TMEM41B: variants seen among roughly 807,000 people sequenced by gnomAD.
TMEM41B encodes transmembrane protein 41B, also known as protein stasimon.
TMEM41B carries 18 observed loss-of-function variants against 31.9 expected under a neutral mutation model. That is an observed-to-expected ratio of 0.56 (90% CI 0.39 to 0.84). TMEM41B has a LOEUF of 0.84. TMEM41B is among the 40% of genes least tolerant of loss of function. The pLI, the probability that TMEM41B is intolerant of heterozygous loss-of-function variation, is 0.00. For missense variants in TMEM41B, 322 were observed against 348.0 expected (o/e 0.93, Z 0.59); for synonymous variants, 144 against 124.3 (o/e 1.16, Z -1.05).
intron 1 of TMEM41B, among the ~76,000 whole-genome samples, chr11:9,307,881 G>A (rs1478114738): frequency 6.6e-6 from 1 of 152,062 alleles, no homozygotes; most frequent in African/African-American, 2.4e-5. Flanking sequence ...AAGTAGCTGG[G>A]ACTACAGGCA....
At position 9,299,683 on chromosome 11, in the gene TMEM41B, G is replaced by C. The variant is rs749330991; in HGVS notation, c.140C>G (p.Ala47Gly). The change falls in exon 2 of 7, where the codon GCT becomes GGT. Residue 47 changes from alanine to glycine, a missense_variant. Ala to Gly is a moderately conservative substitution (Grantham distance 60). Around this residue, in one of 3 missense-constraint regions of TMEM41B, gnomAD observed 183 missense variants for 175.3 expected, o/e 1.04. Transcript: ENST00000528080. ...AAGGAGTGACATTCTTGCTGATCCA[G>C]CTTCTACCCAGGATTTTTCTGGAAG... is the stretch of plus-strand genomic sequence containing the variant. ...DHQKEKSWVE[A>G]GSARMSLLIL... 1 of 1,608,818 alleles carries C rather than the reference G, an allele frequency of 6.2e-7. No homozygotes were observed. The highest frequency in any genetic ancestry group is 1.1e-5 in the South Asian group (1 of 89,674).
chr11:9,306,158 T>C (rs796352458), intron 1 of TMEM41B, among the ~76,000 whole-genome samples: 139 of 151,776 alleles, frequency 9.2e-4, no homozygotes, highest in African/African-American at 3.3e-3. Flanking sequence ...TTTGTATTTT[T>C]AGTAGAGACG....
intron 1 of TMEM41B, among the ~76,000 whole-genome samples, chr11:9,310,125 T>A (rs1439094655): frequency 6.6e-6 from 1 of 150,618 alleles, no homozygotes; most frequent in African/African-American, 2.4e-5. Flanking sequence ...AAACTCCACC[T>A]CCTGGGTTCA....
At chr11:9,283,931 T>C (rs1261134195) in intron 6 of TMEM41B, among the ~76,000 whole-genome samples, 1 of 151,978 alleles carries the variant, frequency 6.6e-6, no homozygotes, top group African/African-American at 2.4e-5. Flanking sequence ...ATTACAGGCA[T>C]GTGCCACCAC....
Position 9,280,795 on chromosome 11 carries a change from T to G in TMEM41B, c.*2629A>C, listed in dbSNP as rs1271047968. 1 of 152,230 alleles carries G rather than the reference T, an allele frequency of 6.6e-6. No homozygotes were observed. The highest frequency in any genetic ancestry group is 1.9e-4 in the East Asian group (1 of 5,206). The allele number at this position is 152,230 out of a possible 1,614,324, so 9.4% of individuals were successfully genotyped here. ...AGAACAGTTTCACTTTCTTAGCTTGTCAACTCCTAGTTAGCCTGCTTGCCT... is the reference window on the plus strand; with the variant it reads ...AGAACAGTTTCACTTTCTTAGCTTGGCAACTCCTAGTTAGCCTGCTTGCCT... On this transcript the variant is annotated 3_prime_UTR_variant, in exon 7 of 7. Transcript: ENST00000528080.
chr11:9,293,268 A>AC (rs1407633354), intron 3 of TMEM41B, among the ~76,000 whole-genome samples: 1 of 151,978 alleles, frequency 6.6e-6, no homozygotes, highest in Non-Finnish European at 1.5e-5. Flanking sequence ...ACATCCAGCT[A>AC]ATTTTTGTAT....
At chr11:9,303,278 A>T (rs1481567326) in intron 1 of TMEM41B, among the ~76,000 whole-genome samples, 9 of 152,022 alleles carry the variant, frequency 5.9e-5, no homozygotes, top group Non-Finnish European at 1.2e-4. Context: ...AGCCGGGATT[A>T]CAGACGTGTG....
intron 2 of TMEM41B, among the ~76,000 whole-genome samples, chr11:9,295,867 TA>T (rs1254518622): frequency 2.0e-5 from 3 of 151,108 alleles, no homozygotes; most frequent in Admixed American, 6.6e-5. Flanking sequence ...TTATTTTTAT[TA>T]TTTTTTTTGA....
At chr11:9,306,433 A>T (rs1480230183) in intron 1 of TMEM41B, among the ~76,000 whole-genome samples, 1 of 152,080 alleles carries the variant, frequency 6.6e-6, no homozygotes, top group African/African-American at 2.4e-5. Flanking sequence ...CTGTAATCCC[A>T]GCACTTTGGG....
chr11:9,300,469 C>T (rs1853221713), intron 1 of TMEM41B, among the ~76,000 whole-genome samples: 1 of 152,106 alleles, frequency 6.6e-6, no homozygotes, highest in African/African-American at 2.4e-5. Flanking sequence ...TCTCTTTATA[C>T]CAAATGCATC....
chr11:9,310,629 C>T (rs1442493628), intron 1 of TMEM41B, among the ~76,000 whole-genome samples: 3 of 149,442 alleles, frequency 2.0e-5, no homozygotes, highest in African/African-American at 4.9e-5. Context: ...AGTCCAGTCA[C>T]CTTCAAACCG....
chr11:9,289,293 G>A (rs11042266), intron 3 of TMEM41B, among the ~76,000 whole-genome samples: 59,694 of 151,196 alleles, frequency 0.39, 12,611 homozygotes, highest in East Asian at 0.49. Context: ...GACTACACCC[G>A]GGCCACAAAT....
At position 9,283,829 on chromosome 11, in the gene TMEM41B, C is replaced by T. The variant is rs532776562; in HGVS notation, c.707-236G>A. Among the ~76,000 whole-genome samples, 18 of 151,706 alleles carry T rather than the reference C, an allele frequency of 1.2e-4. No homozygotes were observed. In the East Asian group the frequency reaches 3.1e-3, roughly 26 times the overall value. ...GACGGAGTTTCGCTCTTGTTGCCCC[C>T]GCTGGAACACGATGGCGCGATCTTG... On this transcript the variant is annotated intron_variant, in intron 6 of 6. Transcript: ENST00000528080.
intron 6 of TMEM41B, among the ~76,000 whole-genome samples, chr11:9,286,162 T>A (rs1301721457): frequency 6.8e-6 from 1 of 147,622 alleles, no homozygotes; most frequent in Non-Finnish European, 1.5e-5. Context: ...AAAGGCAATT[T>A]GATTTTTTTT....
intron 1 of TMEM41B, among the ~76,000 whole-genome samples, chr11:9,304,714 G>C (rs138588044): frequency 0.012 from 1,787 of 151,856 alleles, 116 homozygotes; most frequent in Admixed American, 0.11. Context: ...CTGGAGTGCA[G>C]TGGCGTGATC....
chr11:9,310,041 A>T (rs144633285), intron 1 of TMEM41B, among the ~76,000 whole-genome samples: 20,718 of 148,208 alleles, frequency 0.14, 1,956 homozygotes, highest in African/African-American at 0.26. Flanking sequence ...TATTATTATT[A>T]TTATTTTTTT....
chr11:9,287,660 TAAC>T (rs1314956808), intron 5 of TMEM41B, 39 bp downstream of exon 5: 1 of 1,423,510 alleles, frequency 7.0e-7, no homozygotes. Flanking sequence ...ACCTTCCAAT[TAAC>T]AAAGAGTTAC....
intron 5 of TMEM41B, among the ~76,000 whole-genome samples, chr11:9,287,092 G>C (rs1852853860): frequency 1.3e-5 from 2 of 151,844 alleles, no homozygotes; most frequent in South Asian, 4.2e-4. Flanking sequence ...GGTCACCTGA[G>C]GTCTGGAGTT....
At chr11:9,311,304 G>A in intron 1 of TMEM41B, 5 of 1,524,058 alleles carry the variant, frequency 3.3e-6, no homozygotes, top group Non-Finnish European at 4.5e-6. Context: ...GCTGGAAGAG[G>A]AGGAGGAATG....
Sources: gnomAD v4.1 joint callset for allele counts (sites outside exome capture counted in the v4.1 genomes callset) on GRCh38, gnomAD v4.1.1 for gene constraint, gnomAD v4.1.1 regional missense constraint, MANE v1.5 for transcripts, NCBI Gene and HGNC (gene_info 2026-07-23, HGNC 2026-07-21) for gene names.